SUSD3: variants seen among roughly 807,000 people sequenced by gnomAD.
SUSD3 encodes sushi domain containing 3, also known as sushi domain-containing protein 3.
Under a neutral mutation model 20.6 loss-of-function variants are expected in SUSD3, and 18 were observed. The observed-to-expected ratio is 0.87, with a 90% confidence interval of 0.60 to 1.30. The LOEUF is 1.30. Ranked by LOEUF, SUSD3 falls within the 50% of genes most tolerant of loss-of-function variation. The probability of loss-of-function intolerance (pLI) is 0.00; values close to 1 mark genes in which losing one functional copy is unlikely to be tolerated. For synonymous variants in SUSD3, 137 were observed against 141.5 expected, an observed-to-expected ratio of 0.97 and a Z score of 0.23; for missense variants, 306 against 346.9, an observed-to-expected ratio of 0.88 and a Z score of 0.94.
intron 1 of SUSD3, among the ~76,000 whole-genome samples, chr9:93,059,131 C>G (rs542477770): frequency 1.6e-4 from 25 of 152,252 alleles, no homozygotes; most frequent in Non-Finnish European, 2.2e-4. Context: ...CCAAGCCTCT[C>G]CACGCCGCAG....
intron 1 of SUSD3, among the ~76,000 whole-genome samples, chr9:93,073,830 T>TTG (rs1474375788): frequency 1.3e-5 from 2 of 152,236 alleles, no homozygotes; most frequent in South Asian, 2.1e-4. Flanking sequence ...CAGATGCATT[T>TTG]TGTGTGTGTG....
intron 1 of SUSD3, among the ~76,000 whole-genome samples, chr9:93,070,924 C>G (rs774338427): frequency 3.3e-5 from 5 of 152,122 alleles, no homozygotes; most frequent in Non-Finnish European, 7.3e-5. Flanking sequence ...TTATTGTCAC[C>G]TTGGGGCCCC....
chr9:93,063,706 C>T (rs779080997), intron 1 of SUSD3, among the ~76,000 whole-genome samples: 9 of 152,060 alleles, frequency 5.9e-5, no homozygotes, highest in Non-Finnish European at 1.3e-4. Flanking sequence ...CTCACCCTAC[C>T]CTCCCTCCTA....
intron 3 of SUSD3, among the ~76,000 whole-genome samples, chr9:93,078,529 TG>T (rs937415973): frequency 2.6e-5 from 4 of 152,192 alleles, no homozygotes; most frequent in African/African-American, 9.6e-5. Context: ...CCCAAAGTGC[TG>T]GGATTACAGG....
intron 1 of SUSD3, among the ~76,000 whole-genome samples, chr9:93,066,091 G>A (rs988187031): frequency 6.6e-6 from 1 of 152,098 alleles, no homozygotes; most frequent in East Asian, 1.9e-4. Context: ...CCATCCCCCT[G>A]AAGGGCAGGG....
rs1200730417 is a variant in SUSD3 at position 93,058,721 on chromosome 9, C to T, written c.-22C>T. On this transcript the variant is annotated 5_prime_UTR_variant, in exon 1 of 5. Transcript: ENST00000375472. The stretch of plus-strand genomic sequence containing the variant: ...GGCTCACTCCCCTGGCAGACCCCGC[C>T]AAGCGCCTCGGAGCGCGCAGGATGC... 1 of 1,228,188 alleles carries T rather than the reference C, an allele frequency of 8.1e-7. No individual in the cohort carries two copies. The highest frequency in any genetic ancestry group is 1.0e-6 in the Non-Finnish European group (1 of 983,954). The allele number at this position is 1,228,188 out of a possible 1,614,324, so 76.1% of individuals were successfully genotyped here. A position where few individuals can be genotyped will look rare whatever the true frequency, so the allele number is the denominator to read the frequency against.
intron 1 of SUSD3, among the ~76,000 whole-genome samples, chr9:93,071,116 A>G (rs572037119): frequency 1.8e-4 from 28 of 152,280 alleles, no homozygotes; most frequent in African/African-American, 6.5e-4. Context: ...GTCCTTTCAC[A>G]TGTCTACCAT....
chr9:93,081,204 G>C (rs1184516777), intron 4 of SUSD3, among the ~76,000 whole-genome samples: 1 of 152,160 alleles, frequency 6.6e-6, no homozygotes, highest in African/African-American at 2.4e-5. Flanking sequence ...CCCATCTCAT[G>C]CTTTCTGTGC....
intron 1 of SUSD3, among the ~76,000 whole-genome samples, chr9:93,075,263 C>G (rs555349494): frequency 6.6e-6 from 1 of 152,258 alleles, no homozygotes; most frequent in Admixed American, 6.5e-5. Context: ...TAGATTAAGA[C>G]TACCGAACCA....
intron 1 of SUSD3, among the ~76,000 whole-genome samples, chr9:93,062,204 G>A (rs1026204451): frequency 6.6e-6 from 1 of 152,210 alleles, no homozygotes; most frequent in Non-Finnish European, 1.5e-5. Flanking sequence ...GTGGGCTGAG[G>A]GCCGCTCAGG....
chr9:93,079,419 G>A (rs371286203), intron 3 of SUSD3, 52 bp from the exon 4 acceptor site: 35 of 1,596,060 alleles, frequency 2.2e-5, no homozygotes, highest in African/African-American at 4.0e-5. Context: ...TTCCACCACC[G>A]TCAGGGATAC....
chr9:93,076,033 A>T (rs1321305729), intron 2 of SUSD3, 61 bp downstream of exon 2: 10 of 1,438,204 alleles, frequency 7.0e-6, no homozygotes, highest in Admixed American at 3.9e-5. Context: ...AAATCCTGTC[A>T]TGGGGATGGT....
chr9:93,084,738 C>T lies in SUSD3; in HGVS notation c.759C>T (p.Ala253=). The T allele has an allele frequency of 1.3e-6, 2 of 1,521,734 alleles. No individual in the cohort carries two copies. The highest frequency in any genetic ancestry group is 1.8e-6 in the Non-Finnish European group (2 of 1,132,368). The allele number at this position is 1,521,734 out of a possible 1,614,324, so 94.3% of individuals were successfully genotyped here. A position where few individuals can be genotyped will look rare whatever the true frequency, so the allele number is the denominator to read the frequency against. ...TGCCACAACAGCCCGCAGCATATGC[C>T]CTAGGGTGACCACGCAGTGAGGCTG... is the stretch of plus-strand genomic sequence containing the variant. ...TGMPQQPAAY[A]LG is the part of the protein sequence containing the mutation. The change falls in exon 5 of 5, where the codon GCC becomes GCT. Residue 253 remains alanine, a synonymous_variant. Coordinates refer to ENST00000375472, the MANE Select transcript of SUSD3 (RefSeq NM_145006.4).
chr9:93,073,513 G>C (rs1194771199), intron 1 of SUSD3, among the ~76,000 whole-genome samples: 1 of 152,136 alleles, frequency 6.6e-6, no homozygotes, highest in Non-Finnish European at 1.5e-5. Context: ...CTCCCAAAGT[G>C]CTGGGATTAC....
intron 1 of SUSD3, among the ~76,000 whole-genome samples, chr9:93,066,521 C>T (rs1411624530): frequency 3.9e-5 from 6 of 152,170 alleles, no homozygotes; most frequent in East Asian, 3.9e-4. Flanking sequence ...TATGAGCCAC[C>T]GTGCTCGGCC....
intron 1 of SUSD3, among the ~76,000 whole-genome samples, chr9:93,067,612 T>C (rs1396031901): frequency 2.6e-5 from 4 of 152,116 alleles, no homozygotes; most frequent in Admixed American, 6.6e-5. Flanking sequence ...TTTTTTTTTT[T>C]TTCTTGAAAC....
Position 93,084,953 on chromosome 9 carries a change from A to G in SUSD3, c.*206A>G. 2.2e-6 allele frequency: 1 copy of G among 447,668 alleles called. No homozygotes were observed. Among genetic ancestry groups the G allele is most frequent in the Non-Finnish European group, 3.9e-6 (1 of 258,754 alleles). 27.7% of individuals were successfully genotyped at this position (447,668 alleles called of 1,614,324 possible). A position where few individuals can be genotyped will look rare whatever the true frequency, so the allele number is the denominator to read the frequency against. On this transcript the variant is annotated 3_prime_UTR_variant, in exon 5 of 5. Coordinates refer to ENST00000375472, the MANE Select transcript of SUSD3 (RefSeq NM_145006.4). ...AGTGGGGAGTGTTCTGTTCCGGCATATCCTGGCCGTAACGATTTTTATAGT... is the reference window on the plus strand; with the variant it reads ...AGTGGGGAGTGTTCTGTTCCGGCATGTCCTGGCCGTAACGATTTTTATAGT...
intron 4 of SUSD3, among the ~76,000 whole-genome samples, chr9:93,079,828 A>T (rs937754374): frequency 4.6e-5 from 7 of 152,196 alleles, no homozygotes; most frequent in South Asian, 2.1e-4. Flanking sequence ...CAGTGTTTTC[A>T]TCTGGAGGGT....
chr9:93,078,705 C>T (rs1384913846), intron 3 of SUSD3, among the ~76,000 whole-genome samples: 5 of 152,164 alleles, frequency 3.3e-5, no homozygotes, highest in Non-Finnish European at 5.9e-5. Context: ...AGCCCACCAG[C>T]GAAGTCCGGC....
Sources: gnomAD v4.1 joint callset for allele counts (sites outside exome capture counted in the v4.1 genomes callset) on GRCh38, gnomAD v4.1.1 for gene constraint, MANE v1.5 for transcripts, NCBI Gene and HGNC (gene_info 2026-07-23, HGNC 2026-07-21) for gene names.